POLRMT: variants seen among roughly 807,000 people sequenced by gnomAD.
The protein encoded by POLRMT is DNA-directed RNA polymerase, mitochondrial.
POLRMT carries 114 observed loss-of-function variants against 132.2 expected under a neutral mutation model. That is an observed-to-expected ratio of 0.86 (90% CI 0.74 to 1.01). POLRMT has a LOEUF of 1.01. Among genes scored for constraint, POLRMT ranks in the 50% least tolerant of loss-of-function variants. The probability of loss-of-function intolerance (pLI) is 0.00; values close to 1 mark genes in which losing one functional copy is unlikely to be tolerated. For missense variants in POLRMT, 2,003 were observed against 1,729.1 expected (o/e 1.16, Z -2.81); for synonymous variants, 1,020 against 773.4 (o/e 1.32, Z -5.29).
chr19:633,413 C>T lies in POLRMT; in HGVS notation c.88+12G>A. ...GGCCCCCGGGCTGCCTGGCCGTCTC[C>T]CTTTGTGTTACCTTCTTTGCCGGGG... On this transcript the variant is annotated intron_variant, in intron 1 of 20. Coordinates refer to ENST00000588649, the MANE Select transcript of POLRMT (RefSeq NM_005035.4). 6.5e-7 allele frequency: 1 copy of T among 1,535,524 alleles called. No homozygotes were observed. The highest frequency in any genetic ancestry group is 1.4e-5 in the African/African-American group (1 of 69,652).
At position 622,729 on chromosome 19, in the gene POLRMT, T is replaced by C. The variant is rs1286565833; in HGVS notation, c.1479A>G (p.Gln493=). The C allele has an allele frequency of 1.3e-6, 2 of 1,597,382 alleles. No individual in the cohort carries two copies. Among genetic ancestry groups the C allele is most frequent in the South Asian group, 1.1e-5 (1 of 88,944 alleles). The change falls in exon 8 of 21, where the codon CAA becomes CAG. Residue 493 remains glutamine (Q), a synonymous_variant. Transcript: ENST00000588649. ...LLQVLQALPA[Q]GESFTTLARE... ...GGGCCAGGGTGGTGAAGGACTCACC[T>C]TGGGCGGGCAGCGCCTGCAGGACCT... is the stretch of plus-strand genomic sequence containing the variant.
intron 12 of POLRMT, 28 bp downstream of exon 12, chr19:619,930 T>A: frequency 6.3e-7 from 1 of 1,599,524 alleles, no homozygotes; most frequent in Non-Finnish European, 8.5e-7. Flanking sequence ...CACGCCGAGA[T>A]GCCCCCGGGC....
At chr19:619,504 G>C in intron 13 of POLRMT, 82 bp downstream of exon 13, 2 of 1,551,210 alleles carry the variant, frequency 1.3e-6, no homozygotes, top group Non-Finnish European at 1.8e-6. Context: ...CTCCTGCTGG[G>C]AGGCTGGGTC....
chr19:632,437 G>A (rs1399357547), intron 2 of POLRMT, among the ~76,000 whole-genome samples: 3 of 151,780 alleles, frequency 2.0e-5, no homozygotes. Flanking sequence ...CAGTCATCCA[G>A]TCTCCATTAG....
Position 622,920 on chromosome 19 carries a change from G to C in POLRMT, c.1356C>G (p.Thr452=), listed in dbSNP as rs1984741398. The stretch of plus-strand genomic sequence containing the variant: ...ACACCTCGCGCTCTAGGCGGTTCTT[G>C]GTCTCCCGCAGCGCCCGGCACAGTG... ...EKALCRALRE[T]KNRLEREVYE... The change falls in exon 7 of 21, where the codon ACC becomes ACG. Residue 452 remains threonine (T), a synonymous_variant. Transcript: ENST00000588649. 8.1e-6 allele frequency: 13 copies of C among 1,612,684 alleles called. No homozygotes were observed. In the East Asian group the frequency reaches 2.9e-4, roughly 36 times the overall value.
At chr19:623,729 G>C in intron 5 of POLRMT, 126 bp from the exon 6 acceptor site, 2 of 1,148,006 alleles carry the variant, frequency 1.7e-6, no homozygotes, top group Non-Finnish European at 2.5e-6. Flanking sequence ...TATCGCTGAC[G>C]CGGGGAAAGG....
At chr19:629,255 C>T (rs1386443781) in intron 3 of POLRMT, among the ~76,000 whole-genome samples, 1 of 151,986 alleles carries the variant, frequency 6.6e-6, no homozygotes, top group East Asian at 1.9e-4. Flanking sequence ...TGCAGGCTGC[C>T]CCCCGACGAG....
At chr19:629,041 G>A (rs1985220581) in intron 3 of POLRMT, among the ~76,000 whole-genome samples, 1 of 152,014 alleles carries the variant, frequency 6.6e-6, no homozygotes, top group African/African-American at 2.4e-5. Flanking sequence ...AAACGGCAAG[G>A]GAAATTGGAA....
rs375762747 is a variant in POLRMT at position 617,598 on chromosome 19, T to C, written c.3553A>G (p.Arg1185Gly). 1.2e-5 allele frequency: 19 copies of C among 1,612,268 alleles called. No homozygotes were observed. The highest frequency in any genetic ancestry group is 2.7e-5 in the African/African-American group (2 of 74,902). The change falls in exon 19 of 21, where the codon AGA becomes GGA. Residue 1185 changes from arginine (R) to glycine (G), a missense_variant. Arg to Gly is a moderately radical substitution (Grantham distance 125). Transcript: ENST00000588649. The stretch of plus-strand genomic sequence containing the variant: ...GAGCAGAACCGCTTGACCAGGAATC[T>C]GGACAGGTCCTGCAGGATGGGCTCG... ...HSEPILQDLS[R>G]FLVKRFCSEP...
Position 622,730 on chromosome 19 carries a change from T to G in POLRMT, c.1478A>C (p.Gln493Pro). 1 of 1,595,510 alleles carries G rather than the reference T, an allele frequency of 6.3e-7. No homozygotes were observed. Among genetic ancestry groups the G allele is most frequent in the Non-Finnish European group, 8.5e-7 (1 of 1,172,688 alleles). The change falls in exon 8 of 21, where the codon CAA (glutamine) becomes CCA (proline). Residue 493 changes from glutamine to proline, a missense_variant. Coordinates refer to ENST00000588649, the MANE Select transcript of POLRMT (RefSeq NM_005035.4). ...GGCCAGGGTGGTGAAGGACTCACCT[T>G]GGGCGGGCAGCGCCTGCAGGACCTG... is the stretch of plus-strand genomic sequence containing the variant. ...LLQVLQALPA[Q>P]GESFTTLARE...
chr19:630,178 G>T lies in POLRMT; in HGVS notation c.194-10C>A. The T allele has an allele frequency of 6.4e-7, 1 of 1,574,320 alleles. No individual in the cohort carries two copies. On this transcript the variant is annotated splice_polypyrimidine_tract_variant and intron_variant, in intron 2 of 20. Transcript: ENST00000588649. Reference sequence around the variant, plus strand: ...ACCCGCGCCTGGAGCACTGTGAGGGGCAGAAGGCGAGGACATGAGAGGGAC... The same window carrying T: ...ACCCGCGCCTGGAGCACTGTGAGGGTCAGAAGGCGAGGACATGAGAGGGAC...
In POLRMT at chr19:633,308, G is replaced by A. The variant is rs80105504; in HGVS notation, c.88+117C>T. The A allele has an allele frequency of 7.8e-3, 9,674 of 1,247,478 alleles. 139 individuals carry two copies. Among genetic ancestry groups the A allele is most frequent in the African/African-American group, 0.053 (3,254 of 61,770 alleles). 77.3% of individuals were successfully genotyped at this position (1,247,478 alleles called of 1,614,324 possible). A position where few individuals can be genotyped will look rare whatever the true frequency, so the allele number is the denominator to read the frequency against. On this transcript the variant is annotated intron_variant, in intron 1 of 20. Coordinates refer to ENST00000588649, the MANE Select transcript of POLRMT (RefSeq NM_005035.4). The stretch of plus-strand genomic sequence containing the variant: ...GAGTGGAAAGCGGGGCCGGGTCGGT[G>A]GGCTGCGCACGCCCAGGTGCAAAGA...
rs1425069249 is a variant in POLRMT at position 633,516 on chromosome 19, G to A, written c.-4C>T. On this transcript the variant is annotated 5_prime_UTR_variant, in exon 1 of 21. Coordinates refer to ENST00000588649, the MANE Select transcript of POLRMT (RefSeq NM_005035.4). ...GGCCCCAGCAAAGTGCCGACATTAC[G>A]CACGCCGCTCCAGGCCACCCCACCG... The A allele has an allele frequency of 2.1e-6, 2 of 960,376 alleles. No individual in the cohort carries two copies. The highest frequency in any genetic ancestry group is 3.8e-5 in the African/African-American group (1 of 26,496). The allele number at this position is 960,376 out of a possible 1,614,324, so 59.5% of individuals were successfully genotyped here.
rs961572630 is a variant in POLRMT, at chr19:619,369, A to T, written c.3067-73T>A. 8 of 1,523,002 alleles carry T rather than the reference A, an allele frequency of 5.3e-6. No homozygotes were observed. The Admixed American group carries it at 1.0e-4, about 19-fold the overall frequency. The allele number at this position is 1,523,002 out of a possible 1,614,324, so 94.3% of individuals were successfully genotyped here. A position where few individuals can be genotyped will look rare whatever the true frequency, so the allele number is the denominator to read the frequency against. Reference sequence around the variant, plus strand: ...CACGCCCTACTCCCCCCTATTTCAGAGCCACTGAGGCCCAAGGCCTAGGGC... The same window carrying T: ...CACGCCCTACTCCCCCCTATTTCAGTGCCACTGAGGCCCAAGGCCTAGGGC... On this transcript the variant is annotated intron_variant, in intron 13 of 20. Coordinates refer to ENST00000588649, the MANE Select transcript of POLRMT (RefSeq NM_005035.4).
In POLRMT at chr19:622,266, C is replaced by T. The variant is rs1345506231; in HGVS notation, c.1734G>A (p.Leu578=). Reference sequence around the variant, plus strand: ...TAGCCTGCACCAGCATCTCCGCCAGCAGCTTGCCCAGCTCCATCTGCACTG... The same window carrying T: ...TAGCCTGCACCAGCATCTCCGCCAGTAGCTTGCCCAGCTCCATCTGCACTG... ...PLPVQMELGK[L]LAEMLVQATQ... is the part of the protein sequence containing the mutation. The change falls in exon 9 of 21, where the codon CTG becomes CTA. Residue 578 remains leucine (L), a synonymous_variant. Transcript: ENST00000588649. 5.1e-6 allele frequency: 8 copies of T among 1,561,152 alleles called. No homozygotes were observed. Among genetic ancestry groups the T allele is most frequent in the South Asian group, 3.5e-5 (3 of 85,282 alleles).
At chr19:629,237 G>A (rs1036137494) in intron 3 of POLRMT, among the ~76,000 whole-genome samples, 10 of 151,950 alleles carry the variant, frequency 6.6e-5, no homozygotes, top group Non-Finnish European at 1.3e-4. Flanking sequence ...TCATCCTGAC[G>A]AGGGCTCTGC....
intron 1 of POLRMT, 91 bp downstream of exon 1, chr19:633,326 TGCAAAGAG>T (rs1985565569): frequency 1.5e-6 from 2 of 1,332,462 alleles, no homozygotes; most frequent in African/African-American, 3.1e-5. Context: ...CACGCCCAGG[TGCAAAGAG>T]GCAAAGGTCA....
rs373193180 is a variant in POLRMT at position 629,582 on chromosome 19, C to T, written c.780G>A (p.Thr260=). 3.8e-5 allele frequency: 60 copies of T among 1,588,794 alleles called. No homozygotes were observed. Among genetic ancestry groups the T allele is most frequent in the African/African-American group, 1.1e-4 (8 of 74,306 alleles). Residue 260 remains threonine, a synonymous_variant, in exon 3 of 21, where the codon ACG becomes ACA. Transcript: ENST00000588649. The part of the protein sequence containing the change: ...HGQRQKRKLL[T]LDMYNAVMLG... Reference sequence around the variant, plus strand: ...GCATCACGGCGTTGTACATGTCCAGCGTGAGCAGCTTCCGCTTCTGCCGCT... The same window carrying T: ...GCATCACGGCGTTGTACATGTCCAGTGTGAGCAGCTTCCGCTTCTGCCGCT...
Position 622,274 on chromosome 19 carries a change from C to T in POLRMT, c.1726G>A (p.Gly576Ser). The T allele has an allele frequency of 6.4e-7, 1 of 1,562,948 alleles. No individual in the cohort carries two copies. Among genetic ancestry groups the T allele is most frequent in the Non-Finnish European group, 8.7e-7 (1 of 1,154,778 alleles). ...PWPLPVQMEL[G>S]KLLAEMLVQA... ...ACCAGCATCTCCGCCAGCAGCTTGC[C>T]CAGCTCCATCTGCACTGGCAGGGGC... is the stretch of plus-strand genomic sequence containing the variant. The change falls in exon 9 of 21, where the codon GGC becomes AGC. Residue 576 changes from glycine (G) to serine (S), a missense_variant. Physicochemically the swap from Gly to Ser is moderately conservative, Grantham distance 56 (BLOSUM62 0). Transcript: ENST00000588649.
Sources: gnomAD v4.1 joint callset for allele counts (sites outside exome capture counted in the v4.1 genomes callset) on GRCh38, gnomAD v4.1.1 for gene constraint, MANE v1.5 for transcripts, NCBI Gene and HGNC (gene_info 2026-07-23, HGNC 2026-07-21) for gene names.